The following HIGD1A variants were observed in gnomAD, a reference collection of about 807,000 sequenced individuals.
HIGD1A encodes the protein HIG1 domain family member 1A, mitochondrial.
A neutral mutation model predicts 11.3 loss-of-function variants in HIGD1A; 8 were observed. The observed-to-expected ratio is 0.71, with a 90% CI of 0.42 to 1.28. HIGD1A has a LOEUF of 1.28. Among genes scored for constraint, HIGD1A ranks in the 50% most tolerant of loss-of-function variants. The pLI, the probability that HIGD1A is intolerant of heterozygous loss-of-function variation, is 0.01. For synonymous variants in HIGD1A, 32 were observed against 38.4 expected, an observed-to-expected ratio of 0.83 and a Z score of 0.62; for missense variants, 107 against 118.8, an observed-to-expected ratio of 0.90 and a Z score of 0.46.
chr3:42,802,163 T>G (rs1700572629), intron 1 of HIGD1A, among the ~76,000 whole-genome samples: 1 of 152,124 alleles, frequency 6.6e-6, no homozygotes, highest in Non-Finnish European at 1.5e-5. Context: ...GCAAAAGGTT[T>G]TTTTTTTTTT....
chr3:42,784,029 T>C lies in HIGD1A; in HGVS notation c.*1242A>G, dbSNP rs2125922896. Reference sequence around the variant, plus strand: ...GGATGGAAGTTGCAGTGAGCCAAGATCGTGCCACTGCACGCCAGCCAAGAT... The same window carrying C: ...GGATGGAAGTTGCAGTGAGCCAAGACCGTGCCACTGCACGCCAGCCAAGAT... On this transcript the variant is annotated 3_prime_UTR_variant, in exon 4 of 4. Coordinates refer to ENST00000321331, the MANE Select transcript of HIGD1A (RefSeq NM_014056.4). Among the ~76,000 whole-genome samples, 1 of 141,068 alleles carries C rather than the reference T, an allele frequency of 7.1e-6. No individual in the cohort carries two copies. The highest frequency in any genetic ancestry group is 4.5e-3 in the Middle Eastern group (1 of 224). 92.5% of individuals were successfully genotyped at this position (141,068 alleles called of 152,430 possible).
chr3:42,787,531 C>T (rs1345367166), intron 2 of HIGD1A, among the ~76,000 whole-genome samples: 2 of 147,490 alleles, frequency 1.4e-5, no homozygotes, highest in African/African-American at 5.0e-5. Flanking sequence ...GCGGAGGTTG[C>T]AGTGAGCCGA....
chr3:42,799,823 A>G (rs2125594965), intron 1 of HIGD1A, among the ~76,000 whole-genome samples: 1 of 152,278 alleles, frequency 6.6e-6, no homozygotes, highest in Non-Finnish European at 1.5e-5. Flanking sequence ...GGTGGTTTCA[A>G]TCACAGTGTA....
At chr3:42,793,838 G>C (rs565019375) in intron 2 of HIGD1A, among the ~76,000 whole-genome samples, 37 of 152,230 alleles carry the variant, frequency 2.4e-4, no homozygotes, top group Middle Eastern at 3.4e-3. Flanking sequence ...TGGGCGTGGT[G>C]GTGCACACCT....
At chr3:42,794,026 T>C (rs1363354538) in intron 2 of HIGD1A, 131 bp downstream of exon 2, 8 of 901,626 alleles carry the variant, frequency 8.9e-6, no homozygotes, top group Non-Finnish European at 1.3e-5. Context: ...ATGAGATTTA[T>C]ATCATGCCAA....
intron 1 of HIGD1A, among the ~76,000 whole-genome samples, chr3:42,794,722 T>A (rs1017336399): frequency 6.6e-6 from 1 of 152,240 alleles, no homozygotes; most frequent in Non-Finnish European, 1.5e-5. Flanking sequence ...CTTTTCGGTG[T>A]AGTTAAATGC....
At chr3:42,804,118 C>G in intron 1 of HIGD1A, 1 of 1,569,438 alleles carries the variant, frequency 6.4e-7, no homozygotes, top group Non-Finnish European at 8.7e-7. Flanking sequence ...ACCCTCCTGG[C>G]CCCCGTCTCT....
At chr3:42,794,417 G>T (rs1303656981) in intron 1 of HIGD1A, 142 bp from the exon 2 acceptor site, 3 of 767,318 alleles carry the variant, frequency 3.9e-6, no homozygotes, top group Non-Finnish European at 1.9e-6. Context: ...AATATTTTTA[G>T]AAATTAACTG....
intron 2 of HIGD1A, among the ~76,000 whole-genome samples, chr3:42,787,478 G>A (rs1451578825): frequency 6.6e-6 from 1 of 151,622 alleles, no homozygotes; most frequent in African/African-American, 2.4e-5. Flanking sequence ...TGTAATCCCA[G>A]CTACTTGGGA....
intron 2 of HIGD1A, among the ~76,000 whole-genome samples, chr3:42,793,434 A>G (rs963991943): frequency 2.6e-5 from 4 of 152,182 alleles, no homozygotes; most frequent in African/African-American, 9.7e-5. Context: ...AGTACTGAAG[A>G]ATTAAATGCA....
chr3:42,802,863 A>G (rs1042690616), intron 1 of HIGD1A, among the ~76,000 whole-genome samples: 2 of 152,312 alleles, frequency 1.3e-5, no homozygotes, highest in East Asian at 3.9e-4. Context: ...TACGCTGCTG[A>G]TGTAAATTAG....
intron 1 of HIGD1A, among the ~76,000 whole-genome samples, chr3:42,794,725 T>C (rs1700473408): frequency 6.6e-6 from 1 of 152,244 alleles, no homozygotes; most frequent in African/African-American, 2.4e-5. Context: ...TTCGGTGTAG[T>C]TAAATGCAGT....
chr3:42,796,741 C>T (rs1251641673), intron 1 of HIGD1A, among the ~76,000 whole-genome samples: 5 of 151,658 alleles, frequency 3.3e-5, no homozygotes, highest in Non-Finnish European at 7.4e-5. Context: ...GAGTCAGTTC[C>T]TAGGTAGGGG....
intron 2 of HIGD1A, among the ~76,000 whole-genome samples, chr3:42,791,158 C>T (rs73075301): frequency 0.18 from 26,780 of 152,024 alleles, 2,733 homozygotes; most frequent in Non-Finnish European, 0.23. Context: ...AAAAAGAATG[C>T]AAAACAGATA....
At chr3:42,799,873 TAG>T (rs1381318599) in intron 1 of HIGD1A, among the ~76,000 whole-genome samples, 1 of 152,190 alleles carries the variant, frequency 6.6e-6, no homozygotes, top group Non-Finnish European at 1.5e-5. Flanking sequence ...GGTCTGAATT[TAG>T]AGAGAGTGAT....
At chr3:42,799,969 TAG>T (rs1050607734) in intron 1 of HIGD1A, among the ~76,000 whole-genome samples, 3 of 152,158 alleles carry the variant, frequency 2.0e-5, no homozygotes, top group Admixed American at 1.3e-4. Context: ...ATGGACTGGA[TAG>T]AGAGATTAAA....
intron 1 of HIGD1A, chr3:42,804,156 C>G: frequency 6.2e-7 from 1 of 1,609,696 alleles, no homozygotes; most frequent in Non-Finnish European, 8.5e-7. Context: ...CGAGTCTTCC[C>G]CGCTCGGCAA....
intron 1 of HIGD1A, 138 bp downstream of exon 1, chr3:42,804,298 C>T: frequency 4.7e-6 from 5 of 1,070,166 alleles, no homozygotes; most frequent in South Asian, 1.4e-5. Flanking sequence ...GGCAACTCCA[C>T]CTCTCCTCCC....
chr3:42,795,152 C>T (rs1700478956), intron 1 of HIGD1A, among the ~76,000 whole-genome samples: 2 of 151,406 alleles, frequency 1.3e-5, no homozygotes, highest in African/African-American at 4.9e-5. Context: ...CTCACGTGAT[C>T]CACCCACCTC....
Sources: allele counts gnomAD v4.1 joint callset (sites outside exome capture counted in the v4.1 genomes callset), GRCh38; gene constraint gnomAD v4.1.1; transcripts MANE v1.5; gene names NCBI Gene and HGNC (gene_info 2026-07-23, HGNC 2026-07-21).